Variants in CSGALNACT1 observed in about 807,000 individuals in gnomAD.
The protein encoded by CSGALNACT1 is beta4GalNAcT-1.
CSGALNACT1 carries 52 observed loss-of-function variants against 51.0 expected under a neutral mutation model. That is an observed-to-expected ratio of 1.02 (90% CI 0.82 to 1.29). The LOEUF is 1.29. CSGALNACT1 is among the 50% of genes most tolerant of loss of function. The pLI is 0.00. For missense variants in CSGALNACT1, 935 were observed against 679.2 expected (o/e 1.38, Z -4.19); for synonymous variants, 341 against 254.4 (o/e 1.34, Z -3.24).
upstream of CSGALNACT1, chr8:19,683,024 G>A (rs1472258264): frequency 3.8e-6 from 1 of 262,068 alleles, no homozygotes; most frequent in African/African-American, 2.2e-5. Flanking sequence ...CCCTTTAAAT[G>A]ACCCTGGAGA....
In CSGALNACT1 at chr8:19,658,689, G is replaced by A. The variant is rs567868847; in HGVS notation, c.-544+23784C>T. On this transcript the variant is annotated intron_variant, in intron 1 of 9. Coordinates refer to the CSGALNACT1 transcript ENST00000332246. ...GCAGAGGTTACAGTGAGCTGAGATCGCGACACTGCACTCCAGCCTGGGTGA... is the reference window on the plus strand; with the variant it reads ...GCAGAGGTTACAGTGAGCTGAGATCACGACACTGCACTCCAGCCTGGGTGA... 1.9e-3 allele frequency among the ~76,000 whole-genome samples: 283 copies of A among 152,156 alleles called. 3 individuals are homozygous for A. The highest frequency in any genetic ancestry group is 6.0e-3 in the African/African-American group (249 of 41,486).
At chr8:19,431,039 A>G (rs1001032240) in intron 6 of CSGALNACT1, among the ~76,000 whole-genome samples, 7 of 152,114 alleles carry the variant, frequency 4.6e-5, no homozygotes, top group African/African-American at 1.7e-4. Flanking sequence ...GTACCTCACA[A>G]CTTTACTGAA....
chr8:19,646,617 CT>C (rs2057303167), intron 1 of CSGALNACT1, among the ~76,000 whole-genome samples: 2 of 152,118 alleles, frequency 1.3e-5, no homozygotes, highest in African/African-American at 2.4e-5. Context: ...GAAACGCCAC[CT>C]TTAGTACAAG....
At chr8:19,412,547 CAG>C (rs1266511818) in intron 8 of CSGALNACT1, among the ~76,000 whole-genome samples, 1 of 152,220 alleles carries the variant, frequency 6.6e-6, no homozygotes, top group African/African-American at 2.4e-5. Flanking sequence ...TCCTTTCAAT[CAG>C]AGTCTCTCCT....
chr8:19,624,848 T>G (rs939294534), intron 1 of CSGALNACT1, among the ~76,000 whole-genome samples: 6 of 152,122 alleles, frequency 3.9e-5, no homozygotes, highest in Non-Finnish European at 8.8e-5. Flanking sequence ...CCAGCTAATT[T>G]TTCTATTTTT....
At chr8:19,525,490 G>C (rs2081485095) in intron 3 of CSGALNACT1, among the ~76,000 whole-genome samples, 2 of 151,460 alleles carry the variant, frequency 1.3e-5, no homozygotes, top group African/African-American at 4.9e-5. Flanking sequence ...GGTGGTGCAT[G>C]TCTATAGTCC....
intron 1 of CSGALNACT1, among the ~76,000 whole-genome samples, chr8:19,613,760 T>C (rs973845881): frequency 3.3e-5 from 5 of 152,212 alleles, no homozygotes; most frequent in African/African-American, 4.8e-5. Flanking sequence ...AAAGAGGTAT[T>C]AGCAACTTGC....
At chr8:19,678,678 T>C (rs1552778) in intron 1 of CSGALNACT1, 53,770 of 152,106 alleles carry the variant, frequency 0.35, 10,198 homozygotes, top group Middle Eastern at 0.48. Flanking sequence ...ATGTAACTAA[T>C]CAAAATCTTA....
At chr8:19,569,079 G>T (rs192882702) in intron 3 of CSGALNACT1, among the ~76,000 whole-genome samples, 1 of 152,318 alleles carries the variant, frequency 6.6e-6, no homozygotes, top group East Asian at 1.9e-4. Context: ...AATCAATTCT[G>T]ATAATGTAGA....
chr8:19,740,231 C>A (rs552677671), intron 1 of CSGALNACT1, among the ~76,000 whole-genome samples: 1 of 152,216 alleles, frequency 6.6e-6, no homozygotes, highest in Non-Finnish European at 1.5e-5. Flanking sequence ...CTCTCCAACA[C>A]GCTTGGCAGC....
intron 2 of CSGALNACT1, among the ~76,000 whole-genome samples, chr8:19,600,867 T>C (rs531642227): frequency 2.5e-4 from 38 of 151,652 alleles, no homozygotes; most frequent in African/African-American, 4.3e-4. Context: ...CAAACCTCTA[T>C]AGACATTTGT....
chr8:19,459,838 A>C (rs2064987634), intron 4 of CSGALNACT1, among the ~76,000 whole-genome samples: 2 of 152,192 alleles, frequency 1.3e-5, no homozygotes, highest in Admixed American at 6.5e-5. Context: ...TTCTCTGAGA[A>C]GGTAGAGAGG....
intron 3 of CSGALNACT1, among the ~76,000 whole-genome samples, chr8:19,583,457 G>A (rs2046003333): frequency 6.6e-6 from 1 of 152,090 alleles, no homozygotes; most frequent in South Asian, 2.1e-4. Context: ...AGCTGCATTG[G>A]ATCTGATGCA....
At chr8:19,619,643 G>T (rs962789469) in intron 1 of CSGALNACT1, among the ~76,000 whole-genome samples, 1 of 152,160 alleles carries the variant, frequency 6.6e-6, no homozygotes, top group African/African-American at 2.4e-5. Context: ...ATAGGGTAAG[G>T]AAGACGAAGG....
rs1039135120 is a variant in CSGALNACT1 at position 19,408,769 on chromosome 8, G to A, written c.1228-75C>T. 9.9e-6 allele frequency: 13 copies of A among 1,313,634 alleles called. No individual in the cohort carries two copies. In the Admixed American group the frequency reaches 1.7e-4, roughly 17 times the overall value. The allele number at this position is 1,313,634 out of a possible 1,614,324, so 81.4% of individuals were successfully genotyped here. ...ATAGAGTGTTCACAAACTCCTGTGA[G>A]CCACCGTGGAGTGTGGAGCCCATCC... On this transcript the variant is annotated intron_variant, in intron 8 of 9. Transcript: ENST00000454498.
intron 3 of CSGALNACT1, among the ~76,000 whole-genome samples, chr8:19,551,734 A>G (rs2088163145): frequency 6.7e-6 from 1 of 148,578 alleles, no homozygotes; most frequent in African/African-American, 2.5e-5. Flanking sequence ...CCACTCAACA[A>G]TTTGCTTGCC....
intron 1 of CSGALNACT1, among the ~76,000 whole-genome samples, chr8:19,666,489 G>C (rs62494489): frequency 0.2 from 30,558 of 151,674 alleles, 3,232 homozygotes; most frequent in East Asian, 0.38. Context: ...CAGGTCAGGA[G>C]TTCAGACCAG....
intron 4 of CSGALNACT1, among the ~76,000 whole-genome samples, chr8:19,500,302 G>A (rs2076200963): frequency 6.6e-6 from 1 of 152,094 alleles, no homozygotes; most frequent in Non-Finnish European, 1.5e-5. Flanking sequence ...TGTCCTGCCT[G>A]TGAGTCTCCT....
chr8:19,620,313 TCA>T (rs1491570335), intron 1 of CSGALNACT1, among the ~76,000 whole-genome samples: 557 of 26,886 alleles, frequency 0.021, 2 homozygotes, highest in Non-Finnish European at 0.026. Context: ...AGACTCTGTC[TCA>T]AAAAAAAAAA....
Sources: allele counts gnomAD v4.1 joint callset (sites outside exome capture counted in the v4.1 genomes callset), GRCh38; gene constraint gnomAD v4.1.1; transcripts MANE v1.5; gene names NCBI Gene and HGNC (gene_info 2026-07-23, HGNC 2026-07-21).